Variants in JAG2 observed in about 807,000 individuals in gnomAD.
JAG2 encodes jagged canonical Notch ligand 2, also known as protein jagged-2.
In JAG2, 46 loss-of-function variants were observed where a neutral mutation model predicts 141.7. The observed-to-expected ratio is 0.32, with a 90% CI of 0.26 to 0.42. The LOEUF is 0.42. JAG2 is among the 10% of genes least tolerant of loss of function. The probability of loss-of-function intolerance (pLI) is 1.00; values close to 1 mark genes in which losing one functional copy is unlikely to be tolerated. For synonymous variants in JAG2, 862 were observed against 763.5 expected (o/e 1.13, Z -2.13); for missense variants, 1,500 against 1,817.5 (o/e 0.83, Z 3.18).
rs3122382 is a variant in JAG2, at chr14:105,142,776, C to T, written c.3636G>A (p.Pro1212=). ...TKDPGRSPGR[P]AHWASGPKVD... Reference sequence around the variant, plus strand: ...CTTTGGGGCCTGAGGCCCAGTGGGCCGGCCTCCCCGGCGAGCGGCCAGGAT... The same window carrying T: ...CTTTGGGGCCTGAGGCCCAGTGGGCTGGCCTCCCCGGCGAGCGGCCAGGAT... The change falls in exon 26 of 26, where the codon CCG becomes CCA. Residue 1212 remains proline (P), a synonymous_variant. Coordinates refer to ENST00000331782, the MANE Select transcript of JAG2 (RefSeq NM_002226.5). The T allele has an allele frequency of 3.5e-5, 57 of 1,610,722 alleles. 1 individual carries two copies. In the East Asian group the frequency reaches 8.5e-4, roughly 24 times the overall value.
intron 5 of JAG2, among the ~76,000 whole-genome samples, 188 bp from the exon 6 acceptor site, chr14:105,152,479 C>G (rs957963671): frequency 6.6e-6 from 1 of 152,212 alleles, no homozygotes; most frequent in African/African-American, 2.4e-5. Context: ...CGGGCATTCC[C>G]GGCCGCTGGC....
chr14:105,145,760 A>G lies in JAG2; in HGVS notation c.2923T>C (p.Leu975=), dbSNP rs138843853. The change falls in exon 23 of 26, where the codon TTG becomes CTG. Residue 975 remains leucine, a synonymous_variant. Transcript: ENST00000331782. ...GGCACGTGGTCACGGTTGAAATGCA[A>G]GGTGAGGCGGGCACAGTTATTGTCC... ...HLDNNCARLT[L]HFNRDHVPQG... is the part of the protein sequence containing the mutation. The G allele has an allele frequency of 3.1e-4, 499 of 1,597,012 alleles. 1 individual carries two copies. The Middle Eastern group carries it at 5.0e-3, about 16-fold the overall frequency.
Position 105,143,075 on chromosome 14 carries a change from G to A in JAG2, c.3337C>T (p.Arg1113Trp), listed in dbSNP as rs370798389. 1.7e-5 allele frequency: 27 copies of A among 1,600,558 alleles called. No individual in the cohort carries two copies. The highest frequency in any genetic ancestry group is 2.2e-5 in the Non-Finnish European group (26 of 1,179,444). The change falls in exon 26 of 26, where the codon CGG becomes TGG. Residue 1113 changes from arginine to tryptophan, a missense_variant. Coordinates refer to ENST00000331782, the MANE Select transcript of JAG2 (RefSeq NM_002226.5). ...TCCCGCGGCAGCCGGCTCCTCTCCC[G>A]CTCTTTCCTGCGCTTGCGTGTCCAC... ...VWWTRKRRKE[R>W]ERSRLPREES...
intron 5 of JAG2, 31 bp downstream of exon 5, chr14:105,155,531 G>A: frequency 6.2e-7 from 1 of 1,611,962 alleles, no homozygotes; most frequent in African/African-American, 1.3e-5. Context: ...CAAAGGTTGG[G>A]AGGGCAAAGA....
chr14:105,163,006 G>A (rs1037167442), intron 2 of JAG2, among the ~76,000 whole-genome samples: 6 of 151,220 alleles, frequency 4.0e-5, no homozygotes, highest in African/African-American at 7.3e-5. Flanking sequence ...CTGCTGCCCC[G>A]CTAACGGCCC....
rs765467985 is a variant in JAG2, at chr14:105,148,442, G to A, written c.2021-3C>T. On this transcript the variant is annotated splice_region_variant and splice_polypyrimidine_tract_variant and intron_variant, in intron 15 of 25. Coordinates refer to ENST00000331782, the MANE Select transcript of JAG2 (RefSeq NM_002226.5). ...ATCGGGAAGGCAGTCGTTGGGATCTGGGGGCGAGGACGCCGGTCAGCGGGC... is the reference window on the plus strand; with the variant it reads ...ATCGGGAAGGCAGTCGTTGGGATCTAGGGGCGAGGACGCCGGTCAGCGGGC... 61 of 1,608,908 alleles carry A rather than the reference G, an allele frequency of 3.8e-5. No homozygotes were observed. The highest frequency in any genetic ancestry group is 4.6e-5 in the Non-Finnish European group (54 of 1,177,558).
chr14:105,165,146 C>G (rs1342892933), intron 2 of JAG2, among the ~76,000 whole-genome samples: 1 of 151,982 alleles, frequency 6.6e-6, no homozygotes, highest in East Asian at 1.9e-4. Flanking sequence ...CGACTTCCAG[C>G]TGCACCTCTG....
chr14:105,154,192 G>A lies in JAG2; in HGVS notation c.788+1370C>T, dbSNP rs184016529. 5.3e-5 allele frequency among the ~76,000 whole-genome samples: 8 copies of A among 152,206 alleles called. No individual in the cohort carries two copies. In the East Asian group the frequency reaches 1.5e-3, roughly 29 times the overall value. On this transcript the variant is annotated intron_variant, in intron 5 of 25. Coordinates refer to ENST00000331782, the MANE Select transcript of JAG2 (RefSeq NM_002226.5). This position sits in a 1 kb window ranked among gnomAD's most constrained non-coding sequence, Gnocchi z 4.4. ...AAACTCCCCGACTCCTCTCCAAAAC[G>A]CCACGCTGTGTGACCCTGGGGAAAT...
At position 105,150,756 on chromosome 14, in the gene JAG2, A is replaced by G; in HGVS notation, c.1450T>C (p.Cys484Arg). The G allele has an allele frequency of 6.3e-7, 1 of 1,587,822 alleles. No homozygotes were observed. The highest frequency in any genetic ancestry group is 8.6e-7 in the Non-Finnish European group (1 of 1,167,704). The part of the protein sequence containing the change: ...TCKDLVNGYQ[C>R]VCPRGFGGRH... ...CCTCCGAAGCCCCGTGGGCACACACACTGGTACCCGTTCACCAGGTCCTGG... is the reference window on the plus strand; with the variant it reads ...CCTCCGAAGCCCCGTGGGCACACACGCTGGTACCCGTTCACCAGGTCCTGG... Residue 484 changes from cysteine (C) to arginine (R), a missense_variant, in exon 12 of 26, where the codon TGT becomes CGT. Cys to Arg is a radical substitution (Grantham distance 180). Around this residue, in one of 3 missense-constraint regions of JAG2, gnomAD observed 875 missense variants for 1,202.2 expected, o/e 0.73. Transcript: ENST00000331782.
intron 25 of JAG2, 23 bp downstream of exon 25, chr14:105,143,459 A>T (rs1566758220): frequency 6.5e-7 from 1 of 1,542,182 alleles, no homozygotes; most frequent in Non-Finnish European, 8.7e-7. Flanking sequence ...GTGCCTTCCC[A>T]GGGGCCCACC....
In JAG2 at chr14:105,142,428, C is replaced by T. The variant is rs139533356; in HGVS notation, c.*267G>A. The T allele has an allele frequency of 2.3e-3, 1,086 of 475,854 alleles. 16 individuals are homozygous for T. The highest frequency in any genetic ancestry group is 0.02 in the African/African-American group (989 of 50,214). The allele number at this position is 475,854 out of a possible 1,614,324, so 29.5% of individuals were successfully genotyped here. A position where few individuals can be genotyped will look rare whatever the true frequency, so the allele number is the denominator to read the frequency against. ...TTGGTGACGACGCAGACACCCTTTG[C>T]TCTCTCCTTTCATACAGCGAGTGCC... On this transcript the variant is annotated 3_prime_UTR_variant, in exon 26 of 26. Transcript: ENST00000331782.
In JAG2 at chr14:105,148,427, C is replaced by T; in HGVS notation, c.2033G>A (p.Cys678Tyr). Reference protein sequence around the residue: ...GELCDTNPNDCLPDPCHSRGR... With the variant: ...GELCDTNPNDYLPDPCHSRGR... ...GCGGCTGTGGCAGGGATCGGGAAGGCAGTCGTTGGGATCTGGGGGCGAGGA... is the reference window on the plus strand; with the variant it reads ...GCGGCTGTGGCAGGGATCGGGAAGGTAGTCGTTGGGATCTGGGGGCGAGGA... The change falls in exon 16 of 26, where the codon TGC (cysteine) becomes TAC (tyrosine). Residue 678 changes from cysteine to tyrosine, a missense_variant. Cys to Tyr is a radical substitution (Grantham distance 194). Around this residue, in one of 3 missense-constraint regions of JAG2, gnomAD observed 875 missense variants for 1,202.2 expected, o/e 0.73. Coordinates refer to ENST00000331782, the MANE Select transcript of JAG2 (RefSeq NM_002226.5). 6.2e-7 allele frequency: 1 copy of T among 1,611,514 alleles called. No individual in the cohort carries two copies.
At chr14:105,159,744 C>G (rs1465078769) in intron 2 of JAG2, among the ~76,000 whole-genome samples, 1 of 89,208 alleles carries the variant, frequency 1.1e-5, no homozygotes, top group Non-Finnish European at 2.3e-5. Flanking sequence ...ATCCACACCC[C>G]CCCAGGGCTC....
chr14:105,158,866 G>A (rs1888651575), intron 2 of JAG2, among the ~76,000 whole-genome samples: 1 of 152,010 alleles, frequency 6.6e-6, no homozygotes, highest in Admixed American at 6.5e-5. Context: ...CCATCCCTCA[G>A]CACACCCCAT....
rs1046846804 is a variant in JAG2 at position 105,146,422 on chromosome 14, C to T, written c.2672G>A (p.Ser891Asn). 4 of 1,612,596 alleles carry T rather than the reference C, an allele frequency of 2.5e-6. No individual in the cohort carries two copies. The highest frequency in any genetic ancestry group is 1.7e-5 in the Admixed American group (1 of 60,012). The change falls in exon 22 of 26, where the codon AGC becomes AAC. Residue 891 changes from serine (S) to asparagine (N), a missense_variant. Transcript: ENST00000331782. ...ACGGCGGCCATCCAGGCAGCGGCAG[C>T]TGTTGCAGTCTTCCACCCAGGAGCT... is the stretch of plus-strand genomic sequence containing the variant. ...HGSSWVEDCNSCRCLDGRRDC... is the reference protein window; with the variant it reads ...HGSSWVEDCNNCRCLDGRRDC...
At chr14:105,151,460 G>T in intron 8 of JAG2, 64 bp from the exon 9 acceptor site, 1 of 1,481,966 alleles carries the variant, frequency 6.7e-7, no homozygotes, top group Non-Finnish European at 9.3e-7. Context: ...GTCCCCATGG[G>T]CAGGTGGCGC....
chr14:105,146,330 G>A lies in JAG2; in HGVS notation c.2709+55C>T, dbSNP rs587597507. ...GCCTCCTGATCTCACAGAGTGGCCA[G>A]GGTCAGCGTGCACCAGCCTCGGGTA... On this transcript the variant is annotated intron_variant, in intron 22 of 25. Coordinates refer to ENST00000331782, the MANE Select transcript of JAG2 (RefSeq NM_002226.5). 2.6e-5 allele frequency: 37 copies of A among 1,449,134 alleles called. No individual in the cohort carries two copies. The South Asian group carries it at 2.6e-4, about 10-fold the overall frequency. The allele number at this position is 1,449,134 out of a possible 1,614,324, so 89.8% of individuals were successfully genotyped here. A position where few individuals can be genotyped will look rare whatever the true frequency, so the allele number is the denominator to read the frequency against.
Position 105,146,466 on chromosome 14 carries a change from G to A in JAG2, c.2628C>T (p.Gly876=), listed in dbSNP as rs1466293330. The A allele has an allele frequency of 1.2e-6, 2 of 1,612,780 alleles. No homozygotes were observed. Among genetic ancestry groups the A allele is most frequent in the Non-Finnish European group, 1.7e-6 (2 of 1,179,902 alleles). The part of the protein sequence containing the change: ...IGFGRSCWSR[G]TPFPHGSSWV... ...AGGAGCTTCCGTGTGGGAACGGAGT[G>A]CCCCGGGACCAGCAGGATCTCCCGA... is the stretch of plus-strand genomic sequence containing the variant. Residue 876 remains glycine, a synonymous_variant, in exon 22 of 26, where the codon GGC becomes GGT. Coordinates refer to ENST00000331782, the MANE Select transcript of JAG2 (RefSeq NM_002226.5).
At chr14:105,146,331 G>T in intron 22 of JAG2, 54 bp downstream of exon 22, 2 of 1,455,056 alleles carry the variant, frequency 1.4e-6, no homozygotes, top group South Asian at 1.1e-5. Flanking sequence ...GAGTGGCCAG[G>T]GTCAGCGTGC....
Sources: allele counts gnomAD v4.1 joint callset (sites outside exome capture counted in the v4.1 genomes callset), GRCh38; gene constraint gnomAD v4.1.1; regional missense constraint gnomAD v4.1.1; non-coding constraint Gnocchi (gnomAD v3.1); transcripts MANE v1.5; gene names NCBI Gene and HGNC (gene_info 2026-07-23, HGNC 2026-07-21).